PCGF5: variants seen among roughly 807,000 people sequenced by gnomAD.
PCGF5 encodes polycomb group RING finger protein 5.
A neutral mutation model predicts 44.3 loss-of-function variants in PCGF5; 9 were observed. The ratio of observed to expected loss-of-function variants is 0.20; its 90% CI spans 0.12 to 0.35. The LOEUF (loss-of-function observed/expected upper bound fraction) is 0.35, where lower values mean the gene tolerates loss of function less well. PCGF5 is among the 10% of genes least tolerant of loss of function. PCGF5 has a pLI of 1.00. For synonymous variants in PCGF5, 95 were observed against 102.5 expected (o/e 0.93, Z 0.44); for missense variants, 146 against 305.3 (o/e 0.48, Z 3.89).
chr10:91,276,617 C>T (rs1846319781), intron 9 of PCGF5, among the ~76,000 whole-genome samples: 1 of 152,108 alleles, frequency 6.6e-6, no homozygotes, highest in Admixed American at 6.5e-5. Context: ...GAGGAGAAAA[C>T]AAAATCATTT....
intron 1 of PCGF5, among the ~76,000 whole-genome samples, chr10:91,212,125 T>A (rs1196643374): frequency 6.6e-6 from 1 of 152,232 alleles, no homozygotes; most frequent in Non-Finnish European, 1.5e-5. Flanking sequence ...AGCAAAATAC[T>A]GTGTACTTGG....
intron 1 of PCGF5, among the ~76,000 whole-genome samples, chr10:91,179,989 T>TC: frequency 6.6e-6 from 1 of 152,260 alleles, no homozygotes; most frequent in African/African-American, 2.4e-5. Flanking sequence ...TTTCTTTTTT[T>TC]CCACAAACTC....
intron 1 of PCGF5, among the ~76,000 whole-genome samples, chr10:91,198,339 A>G (rs1400387155): frequency 6.6e-6 from 1 of 152,122 alleles, no homozygotes; most frequent in South Asian, 2.1e-4. Context: ...TGCTTAGGAC[A>G]CTTTCCTTTC....
chr10:91,221,803 A>T (rs1340205885), intron 1 of PCGF5, among the ~76,000 whole-genome samples: 1 of 152,228 alleles, frequency 6.6e-6, no homozygotes, highest in Non-Finnish European at 1.5e-5. Flanking sequence ...TTTCTATTGA[A>T]GAGTTTTTGG....
chr10:91,256,717 C>T (rs1370657232), intron 6 of PCGF5, among the ~76,000 whole-genome samples: 4 of 152,028 alleles, frequency 2.6e-5, no homozygotes, highest in Non-Finnish European at 4.4e-5. Flanking sequence ...GCACAAAGGA[C>T]CCCCAGTAGG....
At chr10:91,255,963 AGTT>A (rs529520436) in intron 6 of PCGF5, among the ~76,000 whole-genome samples, 230 of 152,194 alleles carry the variant, frequency 1.5e-3, no homozygotes, top group African/African-American at 5.1e-3. Flanking sequence ...CTATGTAAGT[AGTT>A]GTTAATACTA....
intron 2 of PCGF5, among the ~76,000 whole-genome samples, chr10:91,225,498 G>A (rs560523522): frequency 7.9e-5 from 12 of 151,278 alleles, no homozygotes; most frequent in Admixed American, 2.0e-4. Context: ...GGCCTTTATC[G>A]TCAACAGAGA....
upstream of PCGF5, among the ~76,000 whole-genome samples, chr10:91,160,879 A>C (rs1843371412): frequency 6.6e-6 from 1 of 152,212 alleles, no homozygotes; most frequent in South Asian, 2.1e-4. Context: ...AACCAGGTGC[A>C]GCACCCAAGC....
intron 2 of PCGF5, among the ~76,000 whole-genome samples, chr10:91,229,614 T>G (rs1052687664): frequency 6.6e-6 from 1 of 152,176 alleles, no homozygotes; most frequent in African/African-American, 2.4e-5. Context: ...CTAAAAATTT[T>G]TAAGCAACAT....
intron 1 of PCGF5, among the ~76,000 whole-genome samples, chr10:91,183,450 T>C (rs1335828267): frequency 2.0e-5 from 3 of 152,092 alleles, no homozygotes; most frequent in African/African-American, 7.2e-5. Flanking sequence ...ATTTTGAGTC[T>C]ATGTGTGTCT....
At chr10:91,195,193 C>T (rs1418268367) in intron 1 of PCGF5, among the ~76,000 whole-genome samples, 1 of 151,414 alleles carries the variant, frequency 6.6e-6, no homozygotes, top group Non-Finnish European at 1.5e-5. Context: ...ATTAAAGGCC[C>T]ACTTAAAGTT....
At chr10:91,210,283 TG>T (rs1344006447) in intron 1 of PCGF5, among the ~76,000 whole-genome samples, 1 of 152,158 alleles carries the variant, frequency 6.6e-6, no homozygotes, top group Non-Finnish European at 1.5e-5. Flanking sequence ...AGCACACACT[TG>T]TGTTCATTGA....
At position 91,277,189 on chromosome 10, in the gene PCGF5, T is replaced by C. The variant is rs80069167; in HGVS notation, c.724-1080T>C. The stretch of plus-strand genomic sequence containing the variant: ...AGCTGAATGGTTACAGATTCCAACA[T>C]TGAGTCTTCCCAGTGTGTAGCATAG... On this transcript the variant is annotated intron_variant, in intron 9 of 9. Coordinates refer to ENST00000336126, the MANE Select transcript of PCGF5 (RefSeq NM_032373.5). 9.8e-3 allele frequency among the ~76,000 whole-genome samples: 1,494 copies of C among 152,298 alleles called. 25 individuals carry two copies. Among genetic ancestry groups the C allele is most frequent in the African/African-American group, 0.032 (1,345 of 41,556 alleles).
Position 91,283,793 on chromosome 10 carries a change from A to T in PCGF5, c.*5477A>T, listed in dbSNP as rs1304673252. 6.6e-6 allele frequency: 1 copy of T among 152,508 alleles called. No individual in the cohort carries two copies. Among genetic ancestry groups the T allele is most frequent in the Non-Finnish European group, 1.5e-5 (1 of 68,034 alleles). 9.4% of individuals were successfully genotyped at this position (152,508 alleles called of 1,614,324 possible). ...ATAGAGTAGCCCTCACAATCAAAAT[A>T]TCATAGAATATATTGTAAAGTTATG... is the stretch of plus-strand genomic sequence containing the variant. On this transcript the variant is annotated 3_prime_UTR_variant, in exon 10 of 10. Coordinates refer to ENST00000336126, the MANE Select transcript of PCGF5 (RefSeq NM_032373.5).
rs1846442225 is a variant in PCGF5, at chr10:91,281,117, C to CA, written c.*2805dup. 1 of 152,356 alleles carries CA rather than the reference C, an allele frequency of 6.6e-6. No individual in the cohort carries two copies. The highest frequency in any genetic ancestry group is 1.5e-5 in the Non-Finnish European group (1 of 67,884). 9.4% of individuals were successfully genotyped at this position (152,356 alleles called of 1,614,324 possible). Reference sequence around the variant, plus strand: ...TAATCACATCAGTTAATAGAGAAATCAAAATATGTATGGCCTTTTCTCTAG... The same window carrying CA: ...TAATCACATCAGTTAATAGAGAAATCAAAAATATGTATGGCCTTTTCTCTAG... On this transcript the variant is annotated 3_prime_UTR_variant, in exon 10 of 10. Transcript: ENST00000336126.
upstream of PCGF5, among the ~76,000 whole-genome samples, chr10:91,161,973 G>T (rs1298295053): frequency 2.6e-5 from 4 of 152,010 alleles, no homozygotes; most frequent in African/African-American, 9.7e-5. Flanking sequence ...CACAAGGGGG[G>T]ATTCTGCTTG....
chr10:91,203,549 C>A (rs1353030030), intron 1 of PCGF5, among the ~76,000 whole-genome samples: 1 of 152,198 alleles, frequency 6.6e-6, no homozygotes, highest in Non-Finnish European at 1.5e-5. Flanking sequence ...ACTGTATACA[C>A]TTCAGTCTTT....
chr10:91,230,717 C>T (rs1215423570), intron 2 of PCGF5, among the ~76,000 whole-genome samples: 3 of 152,166 alleles, frequency 2.0e-5, no homozygotes, highest in Non-Finnish European at 4.4e-5. Flanking sequence ...CCCCCACAGT[C>T]TCAAGCGATC....
At chr10:91,163,858 C>T (rs1429656805) in intron 1 of PCGF5, among the ~76,000 whole-genome samples, 1 of 152,064 alleles carries the variant, frequency 6.6e-6, no homozygotes, top group Admixed American at 6.5e-5. Flanking sequence ...GGGGCACGGA[C>T]GGACGTGCCC....
Sources: allele counts gnomAD v4.1 joint callset (sites outside exome capture counted in the v4.1 genomes callset), GRCh38; gene constraint gnomAD v4.1.1; transcripts MANE v1.5; gene names NCBI Gene and HGNC (gene_info 2026-07-23, HGNC 2026-07-21).